The following TNR variants were observed in gnomAD, a reference collection of about 807,000 sequenced individuals.
TNR encodes tenascin R.
A neutral mutation model predicts 150.4 loss-of-function variants in TNR; 45 were observed. That is an observed-to-expected ratio of 0.30 (90% CI 0.24 to 0.38). TNR has a LOEUF of 0.38. Among genes scored for constraint, TNR ranks in the 10% least tolerant of loss-of-function variants. The pLI, the probability that TNR is intolerant of heterozygous loss-of-function variation, is 1.00. For synonymous variants in TNR, 687 were observed against 678.4 expected (o/e 1.01, Z -0.20); for missense variants, 1,544 against 1,759.1 (o/e 0.88, Z 2.19).
At chr1:175,345,232 T>C (rs1234612762) in intron 18 of TNR, among the ~76,000 whole-genome samples, 1 of 152,202 alleles carries the variant, frequency 6.6e-6, no homozygotes, top group Non-Finnish European at 1.5e-5. Flanking sequence ...GTCTTTCATA[T>C]TGCCATGGAG....
chr1:175,451,212 T>TTG (rs1656296971), intron 2 of TNR, among the ~76,000 whole-genome samples: 1 of 140,728 alleles, frequency 7.1e-6, no homozygotes, highest in South Asian at 2.3e-4. Flanking sequence ...TAGTTTTTTT[T>TTG]TTTTAATGTT....
intron 18 of TNR, among the ~76,000 whole-genome samples, chr1:175,349,862 T>G (rs970778333): frequency 3.3e-5 from 5 of 152,222 alleles, no homozygotes; most frequent in Non-Finnish European, 5.9e-5. Context: ...GAAGGTAGAC[T>G]TCTCCTTTTA....
intron 1 of TNR, among the ~76,000 whole-genome samples, chr1:175,692,577 A>T (rs1169237399): frequency 1.3e-5 from 2 of 152,200 alleles, no homozygotes; most frequent in Admixed American, 1.3e-4. Flanking sequence ...TCCCACGTAC[A>T]GTTGAGAGAA....
intron 2 of TNR, among the ~76,000 whole-genome samples, chr1:175,461,117 C>T (rs967328633): frequency 1.3e-5 from 2 of 152,214 alleles, no homozygotes; most frequent in Non-Finnish European, 2.9e-5. Flanking sequence ...AGAATCGCTC[C>T]CTTCCTGGTC....
chr1:175,417,019 G>GAAAC (rs1571410091), intron 2 of TNR, among the ~76,000 whole-genome samples: 1 of 88,710 alleles, frequency 1.1e-5, no homozygotes, highest in South Asian at 4.5e-4. Flanking sequence ...AAAAAAGAAA[G>GAAAC]AAAGAAAGAA....
intron 4 of TNR, among the ~76,000 whole-genome samples, chr1:175,402,168 G>A (rs1353274160): frequency 1.3e-5 from 2 of 151,402 alleles, no homozygotes; most frequent in South Asian, 2.1e-4. Flanking sequence ...TTAGCCGGGC[G>A]CGGTGGTGGG....
chr1:175,484,070 C>T (rs1187816520), intron 2 of TNR, among the ~76,000 whole-genome samples: 6 of 152,190 alleles, frequency 3.9e-5, no homozygotes, highest in African/African-American at 9.6e-5. Context: ...GTCCCTGGTG[C>T]CTAGCACTGT....
intron 2 of TNR, among the ~76,000 whole-genome samples, chr1:175,488,193 T>C (rs559775279): frequency 2.4e-4 from 37 of 152,328 alleles, no homozygotes; most frequent in Non-Finnish European, 4.4e-4. Context: ...GAGAGATCCA[T>C]AAACCCCGGA....
At chr1:175,679,767 C>T (rs1340866521) in intron 1 of TNR, among the ~76,000 whole-genome samples, 2 of 152,294 alleles carry the variant, frequency 1.3e-5, no homozygotes, top group South Asian at 2.1e-4. Flanking sequence ...TTCCAGAAGG[C>T]AGCGTGGAAG....
At chr1:175,643,076 G>A (rs183408661) in intron 1 of TNR, among the ~76,000 whole-genome samples, 121 of 152,310 alleles carry the variant, frequency 7.9e-4, no homozygotes, top group African/African-American at 2.8e-3. Context: ...AATCTATTGG[G>A]TGAGAGGTGA....
In TNR at chr1:175,448,713, T is replaced by G. The variant is rs575485785; in HGVS notation, c.-63-41936A>C. Among the ~76,000 whole-genome samples the G allele has an allele frequency of 3.9e-5, 6 of 152,342 alleles. No homozygotes were observed. The South Asian group carries it at 1.2e-3, about 32-fold the overall frequency. On this transcript the variant is annotated intron_variant, in intron 2 of 22. Transcript: ENST00000367674. ...ACACCCTCCCAGGTGGGTAGCAGTG[T>G]TTCCAGGTTCAAGGCTTCCGATATT...
At chr1:175,482,838 C>A (rs896611198) in intron 2 of TNR, among the ~76,000 whole-genome samples, 1 of 152,174 alleles carries the variant, frequency 6.6e-6, no homozygotes, top group Admixed American at 6.5e-5. Flanking sequence ...GAAATTCAAG[C>A]CTGTCACCCT....
intron 21 of TNR, 117 bp from the exon 22 acceptor site, chr1:175,324,636 C>A (rs1020356651): frequency 8.1e-7 from 1 of 1,231,230 alleles, no homozygotes; most frequent in South Asian, 1.4e-5. Context: ...CTTTTCATTT[C>A]CACCCAGTTT....
chr1:175,498,482 T>C (rs1658581690), intron 2 of TNR, among the ~76,000 whole-genome samples: 1 of 152,270 alleles, frequency 6.6e-6, no homozygotes, highest in South Asian at 2.1e-4. Flanking sequence ...GAAGACTGTC[T>C]GCTGATGAGA....
Position 175,321,365 on chromosome 1 carries a change from A to G in TNR, c.*1992T>C, listed in dbSNP as rs1649041651. On this transcript the variant is annotated 3_prime_UTR_variant, in exon 23 of 23. Coordinates refer to ENST00000367674, the MANE Select transcript of TNR (RefSeq NM_003285.3). ...GGTCCGAGGCCTGATGGTCAGCCCA[A>G]GGGACTTTTCATCTTGGTTCTCAAA... 6.6e-6 allele frequency: 1 copy of G among 152,224 alleles called. No homozygotes were observed. Among genetic ancestry groups the G allele is most frequent in the Non-Finnish European group, 1.5e-5 (1 of 68,062 alleles). The allele number at this position is 152,224 out of a possible 1,614,324, so 9.4% of individuals were successfully genotyped here.
In TNR at chr1:175,355,547, C is replaced by T; in HGVS notation, c.3205G>A (p.Glu1069Lys). The T allele has an allele frequency of 6.2e-7, 1 of 1,614,072 alleles. No homozygotes were observed. The highest frequency in any genetic ancestry group is 8.5e-7 in the Non-Finnish European group (1 of 1,179,936). ...ISWQPPRAEI[E>K]NYVLTYKSTD... ...GATTTGTAGGTCAAGACATAATTTT[C>T]AATCTCTGCCCTGGGAGGCTGCCAG... Residue 1069 changes from glutamate (E) to lysine (K), a missense_variant, in exon 17 of 23, where the codon GAA becomes AAA. This residue lies in a region of TNR where 290 missense variants were observed against 429.7 expected (regional missense o/e 0.67). Transcript: ENST00000367674.
At chr1:175,530,559 CA>C (rs1660022231) in intron 1 of TNR, among the ~76,000 whole-genome samples, 1 of 152,190 alleles carries the variant, frequency 6.6e-6, no homozygotes, top group Non-Finnish European at 1.5e-5. Context: ...GCATATATAA[CA>C]GATATATGGG....
At chr1:175,338,918 T>A (rs1650381399) in intron 18 of TNR, among the ~76,000 whole-genome samples, 1 of 152,182 alleles carries the variant, frequency 6.6e-6, no homozygotes, top group African/African-American at 2.4e-5. Context: ...AGGACTGCCC[T>A]TCAACTTGCT....
chr1:175,723,360 T>C (rs1167379184), intron 1 of TNR, among the ~76,000 whole-genome samples: 2 of 152,298 alleles, frequency 1.3e-5, no homozygotes, highest in East Asian at 3.9e-4. Flanking sequence ...TCAGCCCTTA[T>C]CTGCAGTCTA....
Sources: gnomAD v4.1 joint callset for allele counts (sites outside exome capture counted in the v4.1 genomes callset) on GRCh38, gnomAD v4.1.1 for gene constraint, gnomAD v4.1.1 regional missense constraint, MANE v1.5 for transcripts, NCBI Gene and HGNC (gene_info 2026-07-23, HGNC 2026-07-21) for gene names.